Variants in ADAMTSL1 observed in about 807,000 individuals in gnomAD.
The protein encoded by ADAMTSL1 is ADAMTS-like protein 1.
Under a neutral mutation model 201.8 loss-of-function variants are expected in ADAMTSL1, and 126 were observed. The observed-to-expected ratio is 0.62, with a 90% CI of 0.54 to 0.72. The LOEUF (loss-of-function observed/expected upper bound fraction) is 0.72, where lower values mean the gene tolerates loss of function less well. ADAMTSL1 is among the 30% of genes least tolerant of loss of function. The probability of loss-of-function intolerance (pLI) is 0.00; values close to 1 mark genes in which losing one functional copy is unlikely to be tolerated. For synonymous variants in ADAMTSL1, 1,121 were observed against 903.4 expected (o/e 1.24, Z -4.32); for missense variants, 2,679 against 2,277.8 (o/e 1.18, Z -3.59).
chr9:18,073,440 C>T (rs1417213092), intron 1 of ADAMTSL1, among the ~76,000 whole-genome samples: 1 of 152,130 alleles, frequency 6.6e-6, no homozygotes, highest in African/African-American at 2.4e-5. Flanking sequence ...CTAAAGGGGG[C>T]ACAAGTATTT....
chr9:18,411,025 G>GT (rs1438863665), intron 2 of ADAMTSL1, among the ~76,000 whole-genome samples: 83 of 146,292 alleles, frequency 5.7e-4, no homozygotes, highest in African/African-American at 2.1e-3. Flanking sequence ...TTTTTTGTTT[G>GT]GTTTTTTTTT....
rs117500248 is a variant in ADAMTSL1, at chr9:18,265,298, G to T, written c.207+101317G>T. Among the ~76,000 whole-genome samples, 165 of 152,128 alleles carry T rather than the reference G, an allele frequency of 1.1e-3. 5 individuals are homozygous for T. The East Asian group carries it at 0.029, about 26-fold the overall frequency. On this transcript the variant is annotated intron_variant, in intron 2 of 29. Coordinates refer to the ADAMTSL1 transcript ENST00000680146. ...GAGCTCTGCATGTATTGCTTCCTCA[G>T]TTAATTCAGGTCTTTATTTCAGACT...
intron 1 of ADAMTSL1, among the ~76,000 whole-genome samples, chr9:18,101,021 G>C (rs1383538305): frequency 6.6e-6 from 1 of 152,126 alleles, no homozygotes; most frequent in African/African-American, 2.4e-5. Flanking sequence ...GGGATATGCT[G>C]TCACATACTT....
intron 15 of ADAMTSL1, among the ~76,000 whole-genome samples, chr9:18,735,748 C>CTTTTCTTTTCTTTTTTTTTT (rs762386875): frequency 1.1e-4 from 12 of 106,632 alleles, no homozygotes; most frequent in African/African-American, 1.8e-4. Flanking sequence ...ATTCTTTTTT[C>CTTTTCTTTTCTTTTTTTTTT]TTTTTTTTTT....
chr9:18,677,714 T>C (rs928603279), intron 10 of ADAMTSL1, among the ~76,000 whole-genome samples: 4 of 152,092 alleles, frequency 2.6e-5, no homozygotes, highest in Admixed American at 6.5e-5. Context: ...ATCCCAATGG[T>C]ATATTAAAAC....
At chr9:18,178,953 T>G (rs964633530) in intron 2 of ADAMTSL1, among the ~76,000 whole-genome samples, 24 of 152,106 alleles carry the variant, frequency 1.6e-4, no homozygotes, top group African/African-American at 5.1e-4. Context: ...AACTGGAAAC[T>G]CTAAAAAGCA....
At chr9:18,793,889 A>G (rs1822203610) in intron 19 of ADAMTSL1, among the ~76,000 whole-genome samples, 1 of 152,192 alleles carries the variant, frequency 6.6e-6, no homozygotes. Context: ...ATCGTTAGTC[A>G]TTAATTAAGC....
chr9:18,853,055 C>G lies in ADAMTSL1; in HGVS notation c.4249+23078C>G, dbSNP rs1337542258. On this transcript the variant is annotated intron_variant, in intron 23 of 28. Coordinates refer to ENST00000380548, the MANE Select transcript of ADAMTSL1 (RefSeq NM_001040272.6). ...AGATGGTATTGTTTCTTTAAGGAAC[C>G]TGGAGGTTGGGGAGATGCTGGCTGT... 2.0e-5 allele frequency among the ~76,000 whole-genome samples: 3 copies of G among 152,068 alleles called. No homozygotes were observed. The East Asian group carries it at 5.8e-4, about 29-fold the overall frequency.
At chr9:17,934,542 T>C (rs13291916) in intron 1 of ADAMTSL1, among the ~76,000 whole-genome samples, 15,254 of 152,184 alleles carry the variant, frequency 0.1, 876 homozygotes, top group South Asian at 0.2. Context: ...TGTCCTCAAG[T>C]GGGTTTGCAT....
chr9:18,658,014 G>A (rs540855420), intron 8 of ADAMTSL1, among the ~76,000 whole-genome samples: 4 of 136,544 alleles, frequency 2.9e-5, no homozygotes, highest in Non-Finnish European at 6.1e-5. Context: ...TCGCACTGTC[G>A]CCCAGGCTGG....
chr9:18,444,499 A>C (rs539273720), intron 2 of ADAMTSL1, among the ~76,000 whole-genome samples: 2 of 152,270 alleles, frequency 1.3e-5, no homozygotes, highest in East Asian at 3.9e-4. Context: ...CGTATATGTA[A>C]CATTTCACTA....
intron 2 of ADAMTSL1, among the ~76,000 whole-genome samples, chr9:18,518,828 C>T (rs1404086786): frequency 2.6e-5 from 4 of 152,230 alleles, no homozygotes; most frequent in African/African-American, 9.6e-5. Context: ...CCTGCCTCAG[C>T]CTCCTGAGTG....
intron 15 of ADAMTSL1, among the ~76,000 whole-genome samples, chr9:18,738,299 A>G (rs924911170): frequency 6.6e-6 from 1 of 152,174 alleles, no homozygotes; most frequent in African/African-American, 2.4e-5. Flanking sequence ...TAATGCAGTT[A>G]CCCCAGGTAA....
At chr9:18,740,478 C>CTTTTTTTTTTTTTTTTTTTTTTTTTT (rs11449360) in intron 15 of ADAMTSL1, among the ~76,000 whole-genome samples, 8 of 105,676 alleles carry the variant, frequency 7.6e-5, no homozygotes, top group Non-Finnish European at 1.3e-4. Context: ...TTTCTTTTAT[C>CTTTTTTTTTTTTTTTTTTTTTTTTTT]TTTTTTTTTT....
chr9:18,651,671 G>T (rs1219307575), intron 7 of ADAMTSL1, among the ~76,000 whole-genome samples: 1 of 152,116 alleles, frequency 6.6e-6, no homozygotes, highest in Non-Finnish European at 1.5e-5. Context: ...CATTCCAATT[G>T]TTACCAAAAT....
chr9:18,131,126 C>G (rs1190695202), intron 1 of ADAMTSL1, among the ~76,000 whole-genome samples: 1 of 152,148 alleles, frequency 6.6e-6, no homozygotes, highest in South Asian at 2.1e-4. Flanking sequence ...ATCTTGCATT[C>G]TTTCTACTGT....
chr9:18,724,937 C>T (rs9298793), intron 15 of ADAMTSL1, among the ~76,000 whole-genome samples: 66,645 of 151,034 alleles, frequency 0.44, 15,683 homozygotes, highest in East Asian at 0.64. Context: ...GACAGAGTCT[C>T]GCTCTGTTGC....
intron 4 of ADAMTSL1, among the ~76,000 whole-genome samples, chr9:18,604,237 G>C (rs190702439): frequency 6.6e-6 from 1 of 152,206 alleles, no homozygotes; most frequent in Admixed American, 6.5e-5. Flanking sequence ...AAGCTGGAAC[G>C]TGCCTGTGAG....
chr9:18,182,045 A>C (rs987253699), intron 2 of ADAMTSL1, among the ~76,000 whole-genome samples: 1 of 151,498 alleles, frequency 6.6e-6, no homozygotes, highest in Non-Finnish European at 1.5e-5. Flanking sequence ...AGAACAAAAA[A>C]CCAAACACCG....
Sources: allele counts gnomAD v4.1 joint callset (sites outside exome capture counted in the v4.1 genomes callset), GRCh38; gene constraint gnomAD v4.1.1; transcripts MANE v1.5; gene names NCBI Gene and HGNC (gene_info 2026-07-23, HGNC 2026-07-21).